MAGI1: variants seen among roughly 807,000 people sequenced by gnomAD.
MAGI1 encodes membrane associated guanylate kinase, WW and PDZ domain containing 1.
A neutral mutation model predicts 139.9 loss-of-function variants in MAGI1; 58 were observed. That is an observed-to-expected ratio of 0.41 (90% confidence interval 0.34 to 0.52). The LOEUF (loss-of-function observed/expected upper bound fraction) is 0.52, where lower values mean the gene tolerates loss of function less well. Ranked by LOEUF, MAGI1 falls within the 20% of genes least tolerant of loss-of-function variation. MAGI1 has a pLI of 0.12. For synonymous variants in MAGI1, 812 were observed against 737.9 expected (o/e 1.10, Z -1.63); for missense variants, 1,874 against 1,901.6 (o/e 0.99, Z 0.27).
chr3:65,619,893 T>C, intron 2 of MAGI1: 1 of 985,262 alleles, frequency 1.0e-6, no homozygotes, highest in Non-Finnish European at 1.2e-6. Flanking sequence ...GCTTTCCAAA[T>C]TCCTGATTTA....
At chr3:65,901,318 G>C (rs2061222801) in intron 1 of MAGI1, among the ~76,000 whole-genome samples, 1 of 152,246 alleles carries the variant, frequency 6.6e-6, no homozygotes, top group South Asian at 2.1e-4. Context: ...TGGGAGCTCA[G>C]AGAAAGTGTA....
intron 12 of MAGI1, among the ~76,000 whole-genome samples, chr3:65,402,102 A>G (rs1335758627): frequency 1.3e-5 from 2 of 152,180 alleles, no homozygotes; most frequent in East Asian, 3.8e-4. Flanking sequence ...CTGGATCATC[A>G]GCACATGTCT....
At chr3:65,388,347 T>C (rs1246576745) in intron 14 of MAGI1, among the ~76,000 whole-genome samples, 5 of 152,060 alleles carry the variant, frequency 3.3e-5, no homozygotes, top group African/African-American at 1.2e-4. Flanking sequence ...AAGAGGGTAA[T>C]ATGGCACAGT....
At chr3:65,440,164 A>T in intron 8 of MAGI1, 152 bp from the exon 9 acceptor site, 1 of 876,758 alleles carries the variant, frequency 1.1e-6, no homozygotes, top group Non-Finnish European at 1.8e-6. Flanking sequence ...GAAAGAGGAA[A>T]TAAAAATGAA....
At chr3:65,965,520 CAT>C (rs1375521374) in intron 1 of MAGI1, among the ~76,000 whole-genome samples, 6 of 152,016 alleles carry the variant, frequency 3.9e-5, no homozygotes, top group Non-Finnish European at 8.8e-5. Flanking sequence ...GTGCTGAAGA[CAT>C]ATTAACACCT....
intron 1 of MAGI1, among the ~76,000 whole-genome samples, chr3:65,743,220 G>T (rs2107789764): frequency 6.6e-6 from 1 of 152,194 alleles, no homozygotes; most frequent in Non-Finnish European, 1.5e-5. Flanking sequence ...AATGTTAAAA[G>T]TTCAGTCCTT....
At chr3:65,371,373 CAATGGCATTATGTTT>C (rs2106806791) in intron 18 of MAGI1, among the ~76,000 whole-genome samples, 1 of 152,326 alleles carries the variant, frequency 6.6e-6, no homozygotes, top group Non-Finnish European at 1.5e-5. Flanking sequence ...ATTAAGTGTG[CAATGGCATTATGTTT>C]AAAAACACTA....
chr3:65,450,027 T>C (rs1948932770), intron 6 of MAGI1, among the ~76,000 whole-genome samples: 1 of 152,208 alleles, frequency 6.6e-6, no homozygotes, highest in Non-Finnish European at 1.5e-5. Flanking sequence ...ACAGAAATTA[T>C]TCAATAACTA....
At chr3:65,856,977 G>A (rs1479502026) in intron 1 of MAGI1, among the ~76,000 whole-genome samples, 1 of 152,164 alleles carries the variant, frequency 6.6e-6, no homozygotes, top group Non-Finnish European at 1.5e-5. Context: ...AGAAACACAG[G>A]AATCACATGA....
At chr3:65,908,698 T>C (rs1343845401) in intron 1 of MAGI1, among the ~76,000 whole-genome samples, 1 of 152,212 alleles carries the variant, frequency 6.6e-6, no homozygotes, top group African/African-American at 2.4e-5. Context: ...AACTAGTATC[T>C]GAGCTGTCCA....
At chr3:65,824,183 C>A (rs75189271) in intron 1 of MAGI1, among the ~76,000 whole-genome samples, 2,802 of 152,292 alleles carry the variant, frequency 0.018, 87 homozygotes, top group African/African-American at 0.064. Flanking sequence ...CCATGCCTAG[C>A]CTACGTCCCT....
At chr3:65,597,568 A>C (rs1042053800) in intron 2 of MAGI1, 3 of 425,964 alleles carry the variant, frequency 7.0e-6, no homozygotes, top group African/African-American at 6.1e-5. Context: ...ACGCAGCCGC[A>C]GCCATCTGGC....
chr3:65,626,084 T>G (rs1576521679), intron 1 of MAGI1, among the ~76,000 whole-genome samples: 1 of 152,146 alleles, frequency 6.6e-6, no homozygotes, highest in East Asian at 1.9e-4. Context: ...CAATGTAGGG[T>G]TTTAAATTTC....
chr3:65,942,289 C>G (rs2063351410), intron 1 of MAGI1, among the ~76,000 whole-genome samples: 1 of 151,578 alleles, frequency 6.6e-6, no homozygotes, highest in South Asian at 2.1e-4. Context: ...CAGTTGTAAA[C>G]CAAAAGAATT....
At chr3:65,646,144 T>G (rs1488849250) in intron 1 of MAGI1, among the ~76,000 whole-genome samples, 1 of 152,024 alleles carries the variant, frequency 6.6e-6, no homozygotes, top group Admixed American at 6.5e-5. Context: ...CCAACTATAT[T>G]ATGTTAACAA....
chr3:65,365,311 G>C (rs994140703), intron 18 of MAGI1: 18 of 420,430 alleles, frequency 4.3e-5, no homozygotes, highest in African/African-American at 3.7e-4. Context: ...TTCTCTTCCA[G>C]AACTTTAAAG....
chr3:65,658,395 A>C (rs1037244430), intron 1 of MAGI1, among the ~76,000 whole-genome samples: 2 of 152,350 alleles, frequency 1.3e-5, no homozygotes, highest in East Asian at 1.9e-4. Context: ...CTATTTTAAC[A>C]GTCCAGTTTG....
At position 65,356,231 on chromosome 3, in the gene MAGI1, G is replaced by A; in HGVS notation, c.*147C>T. The A allele has an allele frequency of 1.4e-6, 1 of 722,414 alleles. No individual in the cohort carries two copies. The highest frequency in any genetic ancestry group is 2.1e-6 in the Non-Finnish European group (1 of 468,538). 44.8% of individuals were successfully genotyped at this position (722,414 alleles called of 1,614,324 possible). The stretch of plus-strand genomic sequence containing the variant: ...TTTTCATATATATTTTTTCTTATAA[G>A]ATTTCAAATGCATAAAATGTTTGTT... On this transcript the variant is annotated 3_prime_UTR_variant, in exon 23 of 23. Coordinates refer to ENST00000402939, the MANE Select transcript of MAGI1 (RefSeq NM_001033057.2).
rs1234683464 is a variant in MAGI1 at position 65,391,072 on chromosome 3, A to G, written c.2416+70T>C. 3.0e-6 allele frequency: 4 copies of G among 1,336,810 alleles called. No homozygotes were observed. In the African/African-American group the frequency reaches 5.9e-5, roughly 20 times the overall value. 82.8% of individuals were successfully genotyped at this position (1,336,810 alleles called of 1,614,324 possible). On this transcript the variant is annotated intron_variant, in intron 14 of 22. Coordinates refer to ENST00000402939, the MANE Select transcript of MAGI1 (RefSeq NM_001033057.2). ...ACACACTGCAACTCATCTATTTTCAATAACCTTCAAGAGAAAGGTAGAGCC... is the reference window on the plus strand; with the variant it reads ...ACACACTGCAACTCATCTATTTTCAGTAACCTTCAAGAGAAAGGTAGAGCC...
Sources: gnomAD v4.1 joint callset for allele counts (sites outside exome capture counted in the v4.1 genomes callset) on GRCh38, gnomAD v4.1.1 for gene constraint, MANE v1.5 for transcripts, NCBI Gene and HGNC (gene_info 2026-07-23, HGNC 2026-07-21) for gene names.